The following ZNF415 variants were observed in gnomAD, a reference collection of about 807,000 sequenced individuals.
The protein encoded by ZNF415 is zinc finger protein 415.
Under a neutral mutation model 7.3 loss-of-function variants are expected in ZNF415, and 5 were observed. The ratio of observed to expected loss-of-function variants is 0.69; its 90% CI spans 0.36 to 1.44. ZNF415 has a LOEUF of 1.44. Among genes scored for constraint, ZNF415 ranks in the 40% most tolerant of loss-of-function variants. The pLI, the probability that ZNF415 is intolerant of heterozygous loss-of-function variation, is 0.04. For missense variants in ZNF415, 628 were observed against 664.8 expected (o/e 0.94, Z 0.61); for synonymous variants, 207 against 226.3 (o/e 0.91, Z 0.77).
chr19:53,115,315 A>G (rs1208174129), intron 3 of ZNF415: 1 of 191,890 alleles, frequency 5.2e-6, no homozygotes, highest in Non-Finnish European at 1.1e-5. Flanking sequence ...AGCCTGGGCA[A>G]TAAGAGCGAA....
At chr19:53,131,988 C>T (rs1047763354) in intron 1 of ZNF415, among the ~76,000 whole-genome samples, 1 of 152,068 alleles carries the variant, frequency 6.6e-6, no homozygotes, top group Non-Finnish European at 1.5e-5. Flanking sequence ...CTGCTCTCCC[C>T]CACTCTCTGT....
intron 1 of ZNF415, among the ~76,000 whole-genome samples, chr19:53,128,758 C>CT (rs111620790): frequency 0.049 from 5,297 of 108,300 alleles, 110 homozygotes; most frequent in African/African-American, 0.16. Context: ...AGACCAATTA[C>CT]AGATGAAATT....
chr19:53,129,359 G>A (rs566149911), intron 1 of ZNF415, among the ~76,000 whole-genome samples: 84 of 152,270 alleles, frequency 5.5e-4, no homozygotes, highest in African/African-American at 1.7e-3. Context: ...AGGGACTGAC[G>A]TGACCTGCTT....
intron 2 of ZNF415, among the ~76,000 whole-genome samples, chr19:53,119,384 G>A (rs2087604845): frequency 7.3e-6 from 1 of 137,730 alleles, no homozygotes; most frequent in African/African-American, 2.7e-5. Flanking sequence ...GGTGGAGGTT[G>A]CAGTGAGCCA....
intron 2 of ZNF415, among the ~76,000 whole-genome samples, chr19:53,119,917 G>C (rs2146434759): frequency 6.6e-6 from 1 of 152,080 alleles, no homozygotes; most frequent in East Asian, 1.9e-4. Context: ...TCTGAACAAA[G>C]AAAAGTCTGG....
intron 1 of ZNF415, among the ~76,000 whole-genome samples, chr19:53,122,985 T>C (rs1298618644): frequency 6.6e-6 from 1 of 151,978 alleles, no homozygotes; most frequent in African/African-American, 2.4e-5. Flanking sequence ...GCTGCAGCAG[T>C]GGGGAGGAGA....
chr19:53,118,559 C>T (rs1243364110), intron 2 of ZNF415, among the ~76,000 whole-genome samples: 1 of 152,060 alleles, frequency 6.6e-6, no homozygotes, highest in African/African-American at 2.4e-5. Context: ...CAAAACAAGT[C>T]TCAACACATT....
chr19:53,121,816 C>T (rs977648012), intron 2 of ZNF415, among the ~76,000 whole-genome samples: 4 of 152,280 alleles, frequency 2.6e-5, no homozygotes, highest in East Asian at 1.9e-4. Flanking sequence ...ACTTTACATT[C>T]CATTCCAAGT....
At chr19:53,127,032 C>T (rs2146614184) in intron 1 of ZNF415, among the ~76,000 whole-genome samples, 2 of 125,348 alleles carry the variant, frequency 1.6e-5, no homozygotes, top group African/African-American at 6.0e-5. Context: ...AAGAATGTGG[C>T]AGCTTTATCT....
intron 1 of ZNF415, among the ~76,000 whole-genome samples, chr19:53,132,370 C>T (rs2090191748): frequency 6.6e-6 from 1 of 152,094 alleles, no homozygotes; most frequent in Non-Finnish European, 1.5e-5. Context: ...AGCACCTCCC[C>T]AGCGCGGGCT....
chr19:53,115,518 T>C (rs1180399745), intron 3 of ZNF415, among the ~76,000 whole-genome samples: 1 of 152,000 alleles, frequency 6.6e-6, no homozygotes, highest in Non-Finnish European at 1.5e-5. Context: ...CAGCCCCCAC[T>C]GGACAGCAAA....
At position 53,109,642 on chromosome 19, in the gene ZNF415, T is replaced by C; in HGVS notation, c.403A>G (p.Ile135Val). ...AAGCTTAATCCAAGCTGATGTTTAA[T>C]AGACTTGTTTCCTATACCTCTTCTA... ...RDRRGIGNKS[I>V]KHQLGLSFLP... is the part of the protein sequence containing the mutation. Residue 135 changes from isoleucine (I) to valine (V), a missense_variant, in exon 4 of 4, where the codon ATT becomes GTT. Coordinates refer to ENST00000243643, the MANE Select transcript of ZNF415 (RefSeq NM_018355.4). 6.2e-7 allele frequency: 1 copy of C among 1,614,178 alleles called. No homozygotes were observed. Among genetic ancestry groups the C allele is most frequent in the Non-Finnish European group, 8.5e-7 (1 of 1,180,024 alleles).
At chr19:53,124,862 G>A (rs980733996) in intron 1 of ZNF415, among the ~76,000 whole-genome samples, 6 of 151,586 alleles carry the variant, frequency 4.0e-5, no homozygotes, top group Non-Finnish European at 8.8e-5. Context: ...GAGAATGGAA[G>A]AGGTGCGGGG....
chr19:53,122,805 A>C, intron 1 of ZNF415, 62 bp from the exon 2 acceptor site: 1 of 1,275,454 alleles, frequency 7.8e-7, no homozygotes, highest in South Asian at 1.3e-5. Flanking sequence ...CTTGTGTGAC[A>C]AGCACACACA....
At chr19:53,116,274 A>C (rs780329847) in intron 3 of ZNF415, 39 bp downstream of exon 3, 1 of 1,581,730 alleles carries the variant, frequency 6.3e-7, no homozygotes, top group East Asian at 2.2e-5. Flanking sequence ...GAAAGATACC[A>C]AGGGCAGATT....
At chr19:53,121,933 C>T (rs571376337) in intron 2 of ZNF415, among the ~76,000 whole-genome samples, 1 of 151,954 alleles carries the variant, frequency 6.6e-6, no homozygotes, top group African/African-American at 2.4e-5. Flanking sequence ...CAGGATTTAC[C>T]AGGTATTTGT....
At position 53,108,754 on chromosome 19, in the gene ZNF415, G is replaced by GGTATGAACTCTCCAGT. The variant is rs1568529411; in HGVS notation, c.1290_1291insACTGGAGAGTTCATAC (p.Arg431ThrfsTer18). The GGTATGAACTCTCCAGT allele has an allele frequency of 6.2e-7, 1 of 1,614,010 alleles. No individual in the cohort carries two copies. Among genetic ancestry groups the GGTATGAACTCTCCAGT allele is most frequent in the South Asian group, 1.1e-5 (1 of 91,068 alleles). On this transcript the variant is annotated frameshift_variant, in exon 4 of 4. Transcript: ENST00000243643. LOFTEE classifies it low-confidence loss of function (END_TRUNC). ...GGTTTCTCTCCAGTATGAACTCTCC[G>GGTATGAACTCTCCAGT]ATGACTCGCAAGGTGTGAATTGTAA...
rs2085783909 is a variant in ZNF415, at chr19:53,108,870, A to C, written c.1175T>G (p.Val392Gly). Reference protein sequence around the residue: ...KPYKCNECGKVFSQTSSLARH... With the variant: ...KPYKCNECGKGFSQTSSLARH... ...TGCAAGGCTTGAAGTCTGACTGAAG[A>C]CTTTACCACATTCATTACACTTGTA... The change falls in exon 4 of 4, where the codon GTC becomes GGC. Residue 392 changes from valine (V) to glycine (G), a missense_variant. Transcript: ENST00000243643. The C allele has an allele frequency of 6.2e-7, 1 of 1,614,014 alleles. No homozygotes were observed. The highest frequency in any genetic ancestry group is 1.1e-5 in the South Asian group (1 of 91,070).
chr19:53,109,263 C>A lies in ZNF415; in HGVS notation c.782G>T (p.Arg261Leu). The A allele has an allele frequency of 1.9e-6, 3 of 1,614,168 alleles. No individual in the cohort carries two copies. The highest frequency in any genetic ancestry group is 2.5e-6 in the Non-Finnish European group (3 of 1,180,028). ...CTCTCCAGTATGAACTCTCCAATGA[C>A]GCGCAAGGTTTGATTTTTGACTAAA... The part of the protein sequence containing the change: ...KVFSQKSNLA[R>L]HWRVHTGEKP... Residue 261 changes from arginine to leucine, a missense_variant, in exon 4 of 4, where the codon CGT (arginine) becomes CTT (leucine). Coordinates refer to ENST00000243643, the MANE Select transcript of ZNF415 (RefSeq NM_018355.4).
Sources: allele counts gnomAD v4.1 joint callset (sites outside exome capture counted in the v4.1 genomes callset), GRCh38; gene constraint gnomAD v4.1.1; transcripts MANE v1.5; gene names NCBI Gene and HGNC (gene_info 2026-07-23, HGNC 2026-07-21).